QRICH2: variants seen among roughly 807,000 people sequenced by gnomAD.
QRICH2 encodes the protein glutamine rich 2.
Under a neutral mutation model 168.3 loss-of-function variants are expected in QRICH2, and 119 were observed. The observed-to-expected ratio is 0.71, with a 90% confidence interval of 0.61 to 0.82. QRICH2 has a LOEUF of 0.82. Ranked by LOEUF, QRICH2 falls within the 40% of genes least tolerant of loss-of-function variation. QRICH2 has a pLI of 0.00. For missense variants in QRICH2, 2,241 were observed against 2,491.6 expected, an observed-to-expected ratio of 0.90 and a Z score of 2.14; for synonymous variants, 894 against 951.2, an observed-to-expected ratio of 0.94 and a Z score of 1.11.
chr17:76,292,881 C>G lies in QRICH2; in HGVS notation c.1846G>C (p.Asp616His). The G allele has an allele frequency of 6.2e-7, 1 of 1,602,562 alleles. No homozygotes were observed. The highest frequency in any genetic ancestry group is 8.5e-7 in the Non-Finnish European group (1 of 1,179,384). The stretch of plus-strand genomic sequence containing the variant: ...CCAGGCCAGACCAAACCACGCTGAT[C>G]TGCACCAGGTTGGGCCAAACCAGAC... ...DQSGLAQPGA[D>H]QRGLVWPGMD... The change falls in exon 4 of 19, where the codon GAT becomes CAT. Residue 616 changes from aspartate to histidine, a missense_variant. Physicochemically the swap from Asp to His is moderately conservative, Grantham distance 81 (BLOSUM62 -1). Coordinates refer to ENST00000680821, the MANE Select transcript of QRICH2 (RefSeq NM_001388453.1).
rs1598496280 is a variant in QRICH2, at chr17:76,294,242, T to G, written c.706-221A>C. Among the ~76,000 whole-genome samples the G allele has an allele frequency of 6.6e-5, 10 of 151,952 alleles. 2 individuals are homozygous for G. The highest frequency in any genetic ancestry group is 6.6e-4 in the Admixed American group (10 of 15,254). On this transcript the variant is annotated intron_variant, in intron 3 of 18. Transcript: ENST00000680821. ...GAGTTCGAGACCAGCCTGACCAATA[T>G]GGTGAAACCCTATCTCTACTAAAAA... is the stretch of plus-strand genomic sequence containing the variant.
chr17:76,280,751 G>GA lies in QRICH2; in HGVS notation c.4387-24dup. 15 of 1,614,078 alleles carry GA rather than the reference G, an allele frequency of 9.3e-6. No homozygotes were observed. Among genetic ancestry groups the GA allele is most frequent in the Non-Finnish European group, 1.3e-5 (15 of 1,179,988 alleles). The stretch of plus-strand genomic sequence containing the variant: ...CATCTGGGGAGGCCAAGTGAACAGA[G>GA]AAAAAAAGAGCCAGCAGCTGCGGGG... On this transcript the variant is annotated intron_variant, in intron 9 of 18. Coordinates refer to ENST00000680821, the MANE Select transcript of QRICH2 (RefSeq NM_001388453.1). This position sits in a 1 kb window ranked among gnomAD's most constrained non-coding sequence, Gnocchi z 7.4.
At chr17:76,305,405 A>G (rs2070976226) in intron 1 of QRICH2, among the ~76,000 whole-genome samples, 1 of 152,122 alleles carries the variant, frequency 6.6e-6, no homozygotes, top group East Asian at 1.9e-4. Flanking sequence ...GGTCCGAGCA[A>G]TCCTCCAGCC....
intron 16 of QRICH2, 96 bp downstream of exon 16, chr17:76,277,067 G>T: frequency 1.5e-6 from 2 of 1,326,284 alleles, no homozygotes; most frequent in Admixed American, 2.6e-5. Context: ...TCAAGGCAGA[G>T]GGCTGGCTGA....
intron 3 of QRICH2, among the ~76,000 whole-genome samples, chr17:76,304,153 G>T (rs1598505690): frequency 1.3e-5 from 2 of 152,288 alleles, no homozygotes; most frequent in Middle Eastern, 3.4e-3. Flanking sequence ...GATGGTGGGG[G>T]TCTACACTGG....
At position 76,292,615 on chromosome 17, in the gene QRICH2, A is replaced by G; in HGVS notation, c.2112T>C (p.Gly704=). 3 of 1,613,590 alleles carry G rather than the reference A, an allele frequency of 1.9e-6. No individual in the cohort carries two copies. Among genetic ancestry groups the G allele is most frequent in the Non-Finnish European group, 2.5e-6 (3 of 1,179,940 alleles). Residue 704 remains glycine (G), a synonymous_variant, in exon 4 of 19, where the codon GGT becomes GGC. Transcript: ENST00000680821. ...GADQIDVVQP[G]ADQHGLVQSG... ...ATTGTACCAAACCATGCTGATCTGC[A>G]CCAGGTTGCACCACATCAATCTGAT...
intron 7 of QRICH2, among the ~76,000 whole-genome samples, chr17:76,283,290 ACAG>A (rs1243116885): frequency 6.6e-6 from 1 of 152,260 alleles, no homozygotes. Flanking sequence ...TGTGTAAAGA[ACAG>A]CAGGAAAGAA....
chr17:76,293,817 T>C lies in QRICH2; in HGVS notation c.910A>G (p.Ser304Gly). The change falls in exon 4 of 19, where the codon AGC becomes GGC. Residue 304 changes from serine to glycine, a missense_variant. Around this residue, in one of 3 missense-constraint regions of QRICH2, gnomAD observed 2,047 missense variants for 2,303.8 expected, o/e 0.89. Coordinates refer to ENST00000680821, the MANE Select transcript of QRICH2 (RefSeq NM_001388453.1). ...PSDGVSSREQSKVPSGTGRQQ... is the reference protein window; with the variant it reads ...PSDGVSSREQGKVPSGTGRQQ... ...CTCCCAGTACCAGAGGGGACCTTGC[T>C]TTGTTCCCTACTGGAAACCCCATCA... 6.2e-7 allele frequency: 1 copy of C among 1,614,074 alleles called. No homozygotes were observed. Among genetic ancestry groups the C allele is most frequent in the Non-Finnish European group, 8.5e-7 (1 of 1,179,982 alleles).
In QRICH2 at chr17:76,304,415, C is replaced by T. The variant is rs1478053584; in HGVS notation, c.705G>A (p.Ala235=). The T allele has an allele frequency of 5.6e-6, 9 of 1,609,568 alleles. No homozygotes were observed. Among genetic ancestry groups the T allele is most frequent in the East Asian group, 2.2e-5 (1 of 44,864 alleles). Residue 235 remains alanine, a splice_region_variant and synonymous_variant, in exon 3 of 19, where the codon GCG becomes GCA. Coordinates refer to ENST00000680821, the MANE Select transcript of QRICH2 (RefSeq NM_001388453.1). ...ACGGCCCAGGCCCCCACTGGTTCAC[C>T]GCTTGTGAGGCTCTCCAGCCGTCCG... ...AITDGWRASQ[A]GSETLMGFSK...
rs148498913 is a variant in QRICH2 at position 76,291,547 on chromosome 17, G to C, written c.3180C>G (p.Ser1060Arg). The change falls in exon 4 of 19, where the codon AGC becomes AGG. Residue 1060 changes from serine to arginine, a missense_variant. Physicochemically the swap from Ser to Arg is moderately radical, Grantham distance 110. Transcript: ENST00000680821. ...GLMHPGTDQH[S>R]PIPLSTGLGS... is the part of the protein sequence containing the mutation. ...CCAAACCTGTACTCAGTGGTATTGG[G>C]CTGTGCTGGTCTGTGCCAGGATGCA... The C allele has an allele frequency of 6.3e-7, 1 of 1,586,510 alleles. No individual in the cohort carries two copies. The highest frequency in any genetic ancestry group is 8.6e-7 in the Non-Finnish European group (1 of 1,166,140).
chr17:76,308,141 G>A lies in QRICH2; in HGVS notation c.-143C>T, dbSNP rs986099334. On this transcript the variant is annotated 5_prime_UTR_variant, in exon 1 of 19. Transcript: ENST00000680821. ...CCGGGTCCGGCCGAGTCACTGGACA[G>A]AGCTCCTGCCTCCAGGGAATCTGCG... The A allele has an allele frequency of 2.0e-5, 24 of 1,209,364 alleles. No individual in the cohort carries two copies. The highest frequency in any genetic ancestry group is 2.0e-5 in the Non-Finnish European group (20 of 977,042). The allele number at this position is 1,209,364 out of a possible 1,614,324, so 74.9% of individuals were successfully genotyped here.
rs757568824 is a variant in QRICH2, at chr17:76,280,956, G to A, written c.4264-3C>T. 2.5e-6 allele frequency: 4 copies of A among 1,608,086 alleles called. No individual in the cohort carries two copies. In the East Asian group the frequency reaches 8.9e-5, roughly 36 times the overall value. On this transcript the variant is annotated splice_region_variant and splice_polypyrimidine_tract_variant and intron_variant, in intron 8 of 18. Transcript: ENST00000680821. This position sits in a 1 kb window ranked among gnomAD's most constrained non-coding sequence, Gnocchi z 7.4. ...ACACGGCCCAGCAGCTCCTCGTCCTGCGGCAGGAGGGATGGGAAGGCTCTC... is the reference window on the plus strand; with the variant it reads ...ACACGGCCCAGCAGCTCCTCGTCCTACGGCAGGAGGGATGGGAAGGCTCTC...
Position 76,307,549 on chromosome 17 carries a change from C to G in QRICH2, c.450G>C (p.Glu150Asp), listed in dbSNP as rs572302359. 1 of 1,591,840 alleles carries G rather than the reference C, an allele frequency of 6.3e-7. No homozygotes were observed. The highest frequency in any genetic ancestry group is 2.3e-5 in the East Asian group (1 of 43,006). ...LDLAALEWPE[E>D]QEVGVRAFDR... ...CGAACGCCCGCACGCCCACCTCCTG[C>G]TCCTCCGGCCACTCTAGCGCGGCCA... The change falls in exon 1 of 19, where the codon GAG becomes GAC. Residue 150 changes from glutamate to aspartate, a missense_variant. Coordinates refer to ENST00000680821, the MANE Select transcript of QRICH2 (RefSeq NM_001388453.1). The surrounding 1 kb of genome is among the most constrained non-coding windows in gnomAD (Gnocchi z 5.3).
At chr17:76,287,772 C>G (rs2070917361) in intron 6 of QRICH2, 28 bp downstream of exon 6, 2 of 1,561,058 alleles carry the variant, frequency 1.3e-6, no homozygotes, top group Non-Finnish European at 1.8e-6. Flanking sequence ...TGCCAGGGGA[C>G]CAGCTGCTCT....
intron 15 of QRICH2, among the ~76,000 whole-genome samples, 176 bp downstream of exon 15, chr17:76,277,813 C>T (rs2143132869): frequency 6.6e-6 from 1 of 152,144 alleles, no homozygotes; most frequent in African/African-American, 2.4e-5. Context: ...CCCATAGACA[C>T]ATGGCTTACA....
chr17:76,285,018 G>T (rs1294399246), intron 7 of QRICH2, among the ~76,000 whole-genome samples: 3 of 150,330 alleles, frequency 2.0e-5, no homozygotes, highest in African/African-American at 7.3e-5. Context: ...CCAGTGGCGC[G>T]ATCATGGCTC....
chr17:76,299,544 C>T (rs1195496145), intron 3 of QRICH2, among the ~76,000 whole-genome samples: 1 of 151,972 alleles, frequency 6.6e-6, no homozygotes, highest in Non-Finnish European at 1.5e-5. Flanking sequence ...CGAGCCCAGC[C>T]TGGACAACAT....
intron 3 of QRICH2, among the ~76,000 whole-genome samples, chr17:76,295,444 C>T (rs780143071): frequency 1.5e-4 from 23 of 151,974 alleles, no homozygotes; most frequent in Non-Finnish European, 2.9e-4. Flanking sequence ...CATTTGAGGT[C>T]AGGAGTTCAA....
chr17:76,293,807 G>A lies in QRICH2; in HGVS notation c.920C>T (p.Pro307Leu). ...GVSSREQSKVPSGTGRQQQPR... is the reference protein window; with the variant it reads ...GVSSREQSKVLSGTGRQQQPR... Reference sequence around the variant, plus strand: ...CTGCTGCTGTCTCCCAGTACCAGAGGGGACCTTGCTTTGTTCCCTACTGGA... The same window carrying A: ...CTGCTGCTGTCTCCCAGTACCAGAGAGGACCTTGCTTTGTTCCCTACTGGA... The change falls in exon 4 of 19, where the codon CCC (proline) becomes CTC (leucine). Residue 307 changes from proline (P) to leucine (L), a missense_variant. Pro to Leu is a moderately conservative substitution (Grantham distance 98). Coordinates refer to ENST00000680821, the MANE Select transcript of QRICH2 (RefSeq NM_001388453.1). 2 of 1,614,040 alleles carry A rather than the reference G, an allele frequency of 1.2e-6. No homozygotes were observed. The highest frequency in any genetic ancestry group is 8.5e-7 in the Non-Finnish European group (1 of 1,179,976).
Sources: gnomAD v4.1 joint callset for allele counts (sites outside exome capture counted in the v4.1 genomes callset) on GRCh38, gnomAD v4.1.1 for gene constraint, gnomAD v4.1.1 regional missense constraint, Gnocchi (gnomAD v3.1) non-coding constraint, MANE v1.5 for transcripts, NCBI Gene and HGNC (gene_info 2026-07-23, HGNC 2026-07-21) for gene names.